The following SH3BGRL variants were observed in gnomAD, a reference collection of about 807,000 sequenced individuals.
SH3BGRL encodes the protein adapter SH3BGRL.
A neutral mutation model predicts 9.8 loss-of-function variants in SH3BGRL; 7 were observed. The observed-to-expected ratio is 0.72, with a 90% confidence interval of 0.41 to 1.35. The LOEUF is 1.35. SH3BGRL is among the 40% of genes most tolerant of loss of function. SH3BGRL has a pLI of 0.01. For missense variants in SH3BGRL, 73 were observed against 84.4 expected, an observed-to-expected ratio of 0.86 and a Z score of 0.53; for synonymous variants, 36 against 29.1, an observed-to-expected ratio of 1.24 and a Z score of -0.76.
At chrX:81,228,159 C>A (rs952323646) in intron 1 of SH3BGRL, among the ~76,000 whole-genome samples, 18 of 111,759 alleles carry the variant, frequency 1.6e-4, no homozygotes, top group African/African-American at 5.5e-4. Flanking sequence ...TCTAAGTGAC[C>A]AATGGCCCAT....
At chrX:81,244,818 G>C (rs892434929) in intron 1 of SH3BGRL, among the ~76,000 whole-genome samples, 2 of 110,899 alleles carry the variant, frequency 1.8e-5, no homozygotes, top group African/African-American at 6.6e-5. Context: ...ACAGGCCCCG[G>C]TGTGGTGTGT....
intron 1 of SH3BGRL, chrX:81,255,767 C>T (rs1465680488): frequency 8.9e-6 from 1 of 112,064 alleles, no homozygotes; most frequent in Non-Finnish European, 1.9e-5. Context: ...ATGGTTGCCA[C>T]TGTAATAACA....
chrX:81,210,818 C>T (rs182743290), intron 1 of SH3BGRL, among the ~76,000 whole-genome samples: 1 of 112,088 alleles, frequency 8.9e-6, no homozygotes, highest in Admixed American at 9.4e-5. Context: ...ATTAACTGGT[C>T]TATAGCAATA....
intron 1 of SH3BGRL, among the ~76,000 whole-genome samples, chrX:81,216,987 G>T (rs989239201): frequency 9.1e-6 from 1 of 109,833 alleles, no homozygotes; most frequent in African/African-American, 3.3e-5. Context: ...ATATATGTAA[G>T]CTCTATTTTT....
At chrX:81,290,583 G>A (rs1387396696) in intron 3 of SH3BGRL, among the ~76,000 whole-genome samples, 1 of 110,766 alleles carries the variant, frequency 9.0e-6, no homozygotes. Context: ...GTTGAGAAAG[G>A]TAGTGGGTGA....
At chrX:81,269,516 C>A (rs2075769998) in intron 1 of SH3BGRL, among the ~76,000 whole-genome samples, 1 of 111,707 alleles carries the variant, frequency 9.0e-6, no homozygotes, top group Admixed American at 9.5e-5. Flanking sequence ...ATTGAAAATT[C>A]TTTTCTTTAA....
At chrX:81,265,820 C>A (rs1394094121) in intron 1 of SH3BGRL, among the ~76,000 whole-genome samples, 1 of 112,153 alleles carries the variant, frequency 8.9e-6, no homozygotes, top group African/African-American at 3.2e-5. Context: ...TTTACACTCC[C>A]ACCAACAGAG....
intron 1 of SH3BGRL, among the ~76,000 whole-genome samples, chrX:81,256,652 G>A (rs2075726200): frequency 8.9e-6 from 1 of 112,030 alleles, no homozygotes; most frequent in Non-Finnish European, 1.9e-5. Flanking sequence ...AAGTTATTAG[G>A]CTTCATTAAT....
At chrX:81,291,376 TGA>T (rs2075857714) in intron 3 of SH3BGRL, among the ~76,000 whole-genome samples, 1 of 111,100 alleles carries the variant, frequency 9.0e-6, no homozygotes, top group Non-Finnish European at 1.9e-5. Flanking sequence ...CAGGAGGCGT[TGA>T]GTTAGGTGCT....
chrX:81,221,019 G>T (rs2075598550), intron 1 of SH3BGRL, among the ~76,000 whole-genome samples: 1 of 111,294 alleles, frequency 9.0e-6, no homozygotes. Flanking sequence ...TTAAAGACTT[G>T]TTCTGTGTCC....
intron 2 of SH3BGRL, 116 bp downstream of exon 2, chrX:81,277,285 A>T: frequency 3.4e-6 from 2 of 595,399 alleles, no homozygotes; most frequent in South Asian, 6.2e-5. Flanking sequence ...GCATATAGTC[A>T]TTTGTCCTTT....
chrX:81,221,159 T>C (rs953787037), intron 1 of SH3BGRL, among the ~76,000 whole-genome samples: 3 of 111,841 alleles, frequency 2.7e-5, no homozygotes, highest in Non-Finnish European at 5.6e-5. Context: ...TGAATTCTAA[T>C]ATTTCTTTGT....
At chrX:81,291,460 A>G (rs1249977850) in intron 3 of SH3BGRL, among the ~76,000 whole-genome samples, 1 of 111,478 alleles carries the variant, frequency 9.0e-6, no homozygotes, top group Non-Finnish European at 1.9e-5. Flanking sequence ...TGATCCAATC[A>G]GCTCTCACCA....
Position 81,241,793 on chromosome X carries a change from C to T in SH3BGRL, c.46-35191C>T, listed in dbSNP as rs769343319. On this transcript the variant is annotated intron_variant, in intron 1 of 3. Coordinates refer to ENST00000373212, the MANE Select transcript of SH3BGRL (RefSeq NM_003022.3). ...CATCTGCAACTTCCAAGCATCACCACGTTCCTCTCGTCCAGACACAGGTTG... is the reference window on the plus strand; with the variant it reads ...CATCTGCAACTTCCAAGCATCACCATGTTCCTCTCGTCCAGACACAGGTTG... Among the ~76,000 whole-genome samples, 11 of 112,495 alleles carry T rather than the reference C, an allele frequency of 9.8e-5. No homozygotes were observed. In the South Asian group the frequency reaches 1.1e-3, roughly 11 times the overall value.
chrX:81,218,387 G>T (rs1318571215), intron 1 of SH3BGRL, among the ~76,000 whole-genome samples: 1 of 110,184 alleles, frequency 9.1e-6, no homozygotes, highest in Non-Finnish European at 1.9e-5. Context: ...TCAAAGTTAT[G>T]TTTTAAGATT....
At chrX:81,296,526 T>A (rs1445325833) in intron 3 of SH3BGRL, among the ~76,000 whole-genome samples, 1 of 111,578 alleles carries the variant, frequency 9.0e-6, no homozygotes, top group Non-Finnish European at 1.9e-5. Flanking sequence ...CTCCTGAGAC[T>A]GTCAAGTATT....
intron 1 of SH3BGRL, among the ~76,000 whole-genome samples, chrX:81,234,016 T>G (rs2075640281): frequency 8.9e-6 from 1 of 111,827 alleles, no homozygotes; most frequent in Non-Finnish European, 1.9e-5. Context: ...TGTTTTTTTC[T>G]AGGTCATCAT....
intron 1 of SH3BGRL, among the ~76,000 whole-genome samples, chrX:81,236,863 G>T (rs1206480028): frequency 1.8e-5 from 2 of 108,288 alleles, no homozygotes; most frequent in East Asian, 3.0e-4. Context: ...TGTTGTGTGT[G>T]TGTGAGGGAA....
chrX:81,237,384 C>T, intron 1 of SH3BGRL: 1 of 285,178 alleles, frequency 3.5e-6, no homozygotes, highest in South Asian at 3.3e-5. Flanking sequence ...TAACTCCCTC[C>T]CCGACCAGCA....
Sources: gnomAD v4.1 joint callset for allele counts (sites outside exome capture counted in the v4.1 genomes callset) on GRCh38, gnomAD v4.1.1 for gene constraint, MANE v1.5 for transcripts, NCBI Gene and HGNC (gene_info 2026-07-23, HGNC 2026-07-21) for gene names.